PSD3: variants seen among roughly 807,000 people sequenced by gnomAD.
PSD3 encodes the protein pleckstrin and Sec7 domain containing 3, also known as PH and SEC7 domain-containing protein 3.
Under a neutral mutation model 105.5 loss-of-function variants are expected in PSD3, and 49 were observed. The observed-to-expected ratio is 0.46, with a 90% CI of 0.37 to 0.59. PSD3 has a LOEUF of 0.59. PSD3 is among the 20% of genes least tolerant of loss of function. The pLI is 0.00. For synonymous variants in PSD3, 557 were observed against 457.8 expected, an observed-to-expected ratio of 1.22 and a Z score of -2.77; for missense variants, 1,561 against 1,263.8, an observed-to-expected ratio of 1.24 and a Z score of -3.57.
At chr8:18,686,149 A>G (rs1800651454) in intron 9 of PSD3, among the ~76,000 whole-genome samples, 1 of 152,198 alleles carries the variant, frequency 6.6e-6, no homozygotes, top group Admixed American at 6.5e-5. Context: ...CTTTACCCAA[A>G]GACTGCCCAA....
rs183653219 is a variant in PSD3, at chr8:18,954,505, T to G, written c.22-18363A>C. On this transcript the variant is annotated intron_variant, in intron 1 of 15. Transcript: ENST00000327040. ...AATTTTCTCATAAAGATGACCAATG[T>G]TTAGTTCCCTAATCTAGAAGCAATC... is the stretch of plus-strand genomic sequence containing the variant. Among the ~76,000 whole-genome samples the G allele has an allele frequency of 2.2e-3, 335 of 152,310 alleles. 1 individual carries two copies. Among genetic ancestry groups the G allele is most frequent in the Non-Finnish European group, 3.8e-3 (259 of 68,024 alleles).
intron 9 of PSD3, among the ~76,000 whole-genome samples, chr8:18,663,578 C>T (rs966503727): frequency 1.3e-5 from 2 of 152,142 alleles, no homozygotes; most frequent in Non-Finnish European, 2.9e-5. Flanking sequence ...TGTATTCAAA[C>T]ACAGCACATT....
In PSD3 at chr8:18,616,915, G is replaced by A. The variant is rs1390907253; in HGVS notation, c.2410+15698C>T. ...TGGGATTACAGGCGTGAGCCACCGC[G>A]CCCGGCCATCTTCCTCTCTTTTCAT... On this transcript the variant is annotated intron_variant, in intron 11 of 15. Coordinates refer to ENST00000327040, the MANE Select transcript of PSD3 (RefSeq NM_015310.4). 6.6e-5 allele frequency among the ~76,000 whole-genome samples: 10 copies of A among 152,120 alleles called. No homozygotes were observed. The East Asian group carries it at 9.7e-4, about 15-fold the overall frequency.
Position 19,013,694 on chromosome 8 carries a change from C to G in PSD3, c.-111G>C, listed in dbSNP as rs1438768968. 2.4e-5 allele frequency: 24 copies of G among 988,288 alleles called. No individual in the cohort carries two copies. Among genetic ancestry groups the G allele is most frequent in the Admixed American group, 9.6e-5 (2 of 20,820 alleles). The allele number at this position is 988,288 out of a possible 1,614,324, so 61.2% of individuals were successfully genotyped here. A position where few individuals can be genotyped will look rare whatever the true frequency, so the allele number is the denominator to read the frequency against. Reference sequence around the variant, plus strand: ...CGCCGCGTGCTCTTTGTTGAGCTCCCGGGACTGCCGAGAGGCGGCGGCCCG... The same window carrying G: ...CGCCGCGTGCTCTTTGTTGAGCTCCGGGGACTGCCGAGAGGCGGCGGCCCG... On this transcript the variant is annotated 5_prime_UTR_variant, in exon 1 of 16. Coordinates refer to ENST00000327040, the MANE Select transcript of PSD3 (RefSeq NM_015310.4).
chr8:18,620,422 T>A (rs554582288), intron 11 of PSD3, among the ~76,000 whole-genome samples: 4 of 151,516 alleles, frequency 2.6e-5, no homozygotes, highest in African/African-American at 7.3e-5. Flanking sequence ...TTTATGGAGT[T>A]TGGAGGGCCA....
intron 11 of PSD3, among the ~76,000 whole-genome samples, chr8:18,605,426 C>T (rs1445698392): frequency 6.6e-6 from 1 of 151,986 alleles, no homozygotes; most frequent in Non-Finnish European, 1.5e-5. Flanking sequence ...TTTCCCAATC[C>T]CTGTATCCCC....
At chr8:18,961,548 G>C (rs1450556326) in intron 1 of PSD3, among the ~76,000 whole-genome samples, 2 of 151,976 alleles carry the variant, frequency 1.3e-5, no homozygotes, top group Non-Finnish European at 2.9e-5. Context: ...AAATTAGCTG[G>C]GCATGGTGGC....
At chr8:19,067,942 G>A (rs1004532303) in intron 1 of PSD3, among the ~76,000 whole-genome samples, 5 of 152,176 alleles carry the variant, frequency 3.3e-5, no homozygotes, top group Non-Finnish European at 7.3e-5. Context: ...ACCCTTGTGG[G>A]TACGAAGGAA....
At chr8:19,002,413 T>C (rs776677184) in intron 1 of PSD3, among the ~76,000 whole-genome samples, 1 of 152,016 alleles carries the variant, frequency 6.6e-6, no homozygotes, top group Non-Finnish European at 1.5e-5. Flanking sequence ...TTATTTCACC[T>C]TGATGAGGTA....
At chr8:18,567,198 C>G (rs1025229579) in intron 14 of PSD3, among the ~76,000 whole-genome samples, 2 of 152,050 alleles carry the variant, frequency 1.3e-5, no homozygotes, top group African/African-American at 4.8e-5. Flanking sequence ...TGAGAAAGAC[C>G]CAAACTACTG....
At chr8:18,549,199 G>A (rs1462747720) in intron 15 of PSD3, among the ~76,000 whole-genome samples, 1 of 62,740 alleles carries the variant, frequency 1.6e-5, no homozygotes, top group Non-Finnish European at 3.2e-5. Flanking sequence ...TTTTTTTTTT[G>A]AGACAGAGTT....
At chr8:18,986,430 T>C (rs1212315182) in intron 1 of PSD3, among the ~76,000 whole-genome samples, 1 of 152,120 alleles carries the variant, frequency 6.6e-6, no homozygotes, top group African/African-American at 2.4e-5. Context: ...TTGGTATTAT[T>C]ACCCCATTTT....
chr8:18,566,721 T>C (rs980953709), intron 14 of PSD3, among the ~76,000 whole-genome samples: 2 of 152,174 alleles, frequency 1.3e-5, no homozygotes, highest in South Asian at 4.1e-4. Flanking sequence ...TACTGCAGGA[T>C]ATTTCTTTTT....
intron 10 of PSD3, among the ~76,000 whole-genome samples, chr8:18,646,950 T>C (rs950700986): frequency 7.2e-5 from 11 of 152,178 alleles, no homozygotes; most frequent in African/African-American, 2.2e-4. Context: ...TTTAGGCCAT[T>C]GGGTTGAATG....
At chr8:18,862,084 A>G (rs975355658) in intron 4 of PSD3, among the ~76,000 whole-genome samples, 4 of 152,176 alleles carry the variant, frequency 2.6e-5, no homozygotes, top group Non-Finnish European at 5.9e-5. Flanking sequence ...TACTACTGTC[A>G]TTGGTATTCA....
Position 18,800,436 on chromosome 8 carries a change from A to T in PSD3, c.2023+834T>A, listed in dbSNP as rs145335290. On this transcript the variant is annotated intron_variant, in intron 7 of 15. Coordinates refer to ENST00000327040, the MANE Select transcript of PSD3 (RefSeq NM_015310.4). ...TTGGCCAATACCAAGTAAACTATCCAGGTTAACTGGCAATACTGAAGCTAA... is the reference window on the plus strand; with the variant it reads ...TTGGCCAATACCAAGTAAACTATCCTGGTTAACTGGCAATACTGAAGCTAA... Among the ~76,000 whole-genome samples the T allele has an allele frequency of 2.1e-3, 317 of 152,298 alleles. 2 individuals carry two copies. The highest frequency in any genetic ancestry group is 2.7e-3 in the Non-Finnish European group (184 of 68,026).
At chr8:19,002,849 C>A (rs2129474542) in intron 1 of PSD3, among the ~76,000 whole-genome samples, 1 of 152,108 alleles carries the variant, frequency 6.6e-6, no homozygotes, top group Non-Finnish European at 1.5e-5. Flanking sequence ...AATTTTTCTC[C>A]TGGCTTCCAT....
chr8:18,964,193 T>C (rs1193831008), intron 1 of PSD3, among the ~76,000 whole-genome samples: 1 of 152,220 alleles, frequency 6.6e-6, no homozygotes, highest in Non-Finnish European at 1.5e-5. Flanking sequence ...GGTGTGATCA[T>C]GGCTCAATGC....
rs1355681502 is a variant in PSD3, at chr8:18,817,080, T to C, written c.1635-12182A>G. On this transcript the variant is annotated intron_variant, in intron 4 of 15. Transcript: ENST00000327040. ...AAGTGATGGCCCAGAGGAGCCTCCA[T>C]GGCTGGAGAGGAGTGAGCAAGGGGA... is the stretch of plus-strand genomic sequence containing the variant. 2.0e-5 allele frequency among the ~76,000 whole-genome samples: 3 copies of C among 152,154 alleles called. No homozygotes were observed. The East Asian group carries it at 5.8e-4, about 29-fold the overall frequency.
Sources: allele counts gnomAD v4.1 joint callset (sites outside exome capture counted in the v4.1 genomes callset), GRCh38; gene constraint gnomAD v4.1.1; transcripts MANE v1.5; gene names NCBI Gene and HGNC (gene_info 2026-07-23, HGNC 2026-07-21).